The following ASTN2 variants were observed in gnomAD, a reference collection of about 807,000 sequenced individuals.
ASTN2 encodes astrotactin 2.
In ASTN2, 54 loss-of-function variants were observed where a neutral mutation model predicts 139.8. That is an observed-to-expected ratio of 0.39 (90% confidence interval 0.31 to 0.48). ASTN2 has a LOEUF of 0.48. ASTN2 is among the 20% of genes least tolerant of loss of function. ASTN2 has a pLI of 0.95. For missense variants in ASTN2, 1,565 were observed against 1,725.1 expected, an observed-to-expected ratio of 0.91 and a Z score of 1.64; for synonymous variants, 756 against 719.5, an observed-to-expected ratio of 1.05 and a Z score of -0.81.
At chr9:117,048,003 G>A (rs904623758) in intron 5 of ASTN2, among the ~76,000 whole-genome samples, 4 of 151,926 alleles carry the variant, frequency 2.6e-5, no homozygotes, top group Non-Finnish European at 5.9e-5. Context: ...CACATTTTTC[G>A]CTATGAGGAA....
At chr9:116,513,324 T>C (rs1315509700) in intron 19 of ASTN2, among the ~76,000 whole-genome samples, 1 of 152,228 alleles carries the variant, frequency 6.6e-6, no homozygotes, top group Non-Finnish European at 1.5e-5. Context: ...TGTTGAATAT[T>C]GGCCCCCACT....
At chr9:116,996,077 T>A (rs1035952376) in intron 7 of ASTN2, among the ~76,000 whole-genome samples, 3 of 151,942 alleles carry the variant, frequency 2.0e-5, no homozygotes, top group Non-Finnish European at 4.4e-5. Context: ...CTTGTGATCC[T>A]CCCACCTTGA....
At chr9:116,643,435 G>A (rs1857438704) in intron 17 of ASTN2, among the ~76,000 whole-genome samples, 2 of 152,122 alleles carry the variant, frequency 1.3e-5, no homozygotes, top group Non-Finnish European at 2.9e-5. Flanking sequence ...TAGATGATAC[G>A]TAAATCAAGA....
At chr9:116,511,213 G>A (rs532315710) in intron 19 of ASTN2, among the ~76,000 whole-genome samples, 5 of 152,262 alleles carry the variant, frequency 3.3e-5, no homozygotes, top group South Asian at 2.1e-4. Context: ...TTAGCATGAA[G>A]GGTTGTTGAA....
intron 3 of ASTN2, among the ~76,000 whole-genome samples, chr9:117,170,931 T>A (rs1186581652): frequency 6.6e-6 from 1 of 152,166 alleles, no homozygotes; most frequent in Non-Finnish European, 1.5e-5. Flanking sequence ...AAGAGACAGA[T>A]GCCTAGATGT....
chr9:117,267,989 CATTTCATTTGATGAATGT>C (rs1343272408), intron 2 of ASTN2, among the ~76,000 whole-genome samples: 16 of 152,144 alleles, frequency 1.1e-4, no homozygotes, highest in Non-Finnish European at 7.4e-5. Flanking sequence ...CCAATCATTG[CATTTCATTTGATGAATGT>C]GTTTCATTTG....
chr9:117,368,593 T>A (rs533908279), intron 1 of ASTN2, among the ~76,000 whole-genome samples: 1 of 152,208 alleles, frequency 6.6e-6, no homozygotes, highest in South Asian at 2.1e-4. Flanking sequence ...CACACAGGGG[T>A]GAGAGACAGT....
chr9:116,648,288 C>A (rs1312068956), intron 17 of ASTN2, among the ~76,000 whole-genome samples: 1 of 152,126 alleles, frequency 6.6e-6, no homozygotes, highest in African/African-American at 2.4e-5. Context: ...GTGTGAGTCA[C>A]CGCACTTGGC....
intron 4 of ASTN2, among the ~76,000 whole-genome samples, chr9:117,120,049 T>TAC (rs1554780421): frequency 1.5e-5 from 2 of 129,366 alleles, no homozygotes; most frequent in African/African-American, 6.3e-5. Context: ...TATATATATA[T>TAC]ACCCTGAGTA....
intron 17 of ASTN2, among the ~76,000 whole-genome samples, chr9:116,622,945 T>C (rs1248194024): frequency 6.6e-6 from 1 of 152,186 alleles, no homozygotes; most frequent in Admixed American, 6.5e-5. Context: ...TGCTGACTGT[T>C]AGACCTTTTC....
chr9:117,411,121 G>T (rs550424398), intron 1 of ASTN2, among the ~76,000 whole-genome samples: 1 of 152,110 alleles, frequency 6.6e-6, no homozygotes, highest in Admixed American at 6.5e-5. Context: ...TTTGGATTAC[G>T]CGTTTGACCT....
At chr9:116,963,504 A>C (rs1835923634) in intron 10 of ASTN2, among the ~76,000 whole-genome samples, 1 of 152,152 alleles carries the variant, frequency 6.6e-6, no homozygotes, top group Non-Finnish European at 1.5e-5. Context: ...TTAAGCAGGA[A>C]ACAGCCATGG....
At chr9:116,567,790 T>G (rs929574254) in intron 19 of ASTN2, among the ~76,000 whole-genome samples, 1 of 152,172 alleles carries the variant, frequency 6.6e-6, no homozygotes, top group Non-Finnish European at 1.5e-5. Context: ...CTGCTAGTTA[T>G]TGAAACTGTA....
At chr9:116,501,337 T>G (rs1156492048) in intron 19 of ASTN2, among the ~76,000 whole-genome samples, 1 of 152,244 alleles carries the variant, frequency 6.6e-6, no homozygotes, top group Non-Finnish European at 1.5e-5. Flanking sequence ...GGTGTATATG[T>G]GCCACATTTT....
At chr9:117,272,117 G>A (rs999453606) in intron 2 of ASTN2, among the ~76,000 whole-genome samples, 14 of 152,210 alleles carry the variant, frequency 9.2e-5, no homozygotes, top group Admixed American at 2.6e-4. Flanking sequence ...GCTTCAAGGC[G>A]TTTCCACACG....
chr9:117,176,876 A>T (rs1049746293), intron 3 of ASTN2, among the ~76,000 whole-genome samples: 3 of 152,156 alleles, frequency 2.0e-5, no homozygotes, highest in African/African-American at 7.2e-5. Context: ...GTGAGCTATG[A>T]TCACACCACT....
At chr9:116,852,504 G>C (rs889850084) in intron 11 of ASTN2, among the ~76,000 whole-genome samples, 12 of 152,290 alleles carry the variant, frequency 7.9e-5, no homozygotes, top group African/African-American at 2.9e-4. Flanking sequence ...TCTCAATGAG[G>C]AGAAAGGCTA....
At chr9:117,372,632 A>T (rs775617277) in intron 1 of ASTN2, among the ~76,000 whole-genome samples, 1 of 152,210 alleles carries the variant, frequency 6.6e-6, no homozygotes, top group Non-Finnish European at 1.5e-5. Context: ...AATACAAAGC[A>T]TACAATACAA....
At chr9:117,016,805 T>C (rs866732741) in intron 6 of ASTN2, among the ~76,000 whole-genome samples, 1 of 114,770 alleles carries the variant, frequency 8.7e-6, no homozygotes, top group Non-Finnish European at 1.9e-5. Flanking sequence ...ATAGGTTATA[T>C]ATATGTTTTA....
Sources: gnomAD v4.1 joint callset for allele counts (sites outside exome capture counted in the v4.1 genomes callset) on GRCh38, gnomAD v4.1.1 for gene constraint, MANE v1.5 for transcripts, NCBI Gene and HGNC (gene_info 2026-07-23, HGNC 2026-07-21) for gene names.